SMARCA4: variants seen among roughly 807,000 people sequenced by gnomAD.
The protein encoded by SMARCA4 is SWI/SNF-related matrix-associated actin-dependent regulator of chromatin subfamily A member 4.
SMARCA4 carries 31 observed loss-of-function variants against 193.9 expected under a neutral mutation model. The ratio of observed to expected loss-of-function variants is 0.16; its 90% CI spans 0.12 to 0.22. The LOEUF (loss-of-function observed/expected upper bound fraction) is 0.22, where lower values mean the gene tolerates loss of function less well. SMARCA4 is among the 10% of genes least tolerant of loss of function. The pLI is 1.00. For missense variants in SMARCA4, 1,148 were observed against 2,296.0 expected, an observed-to-expected ratio of 0.50 and a Z score of 10.22; for synonymous variants, 942 against 933.1, an observed-to-expected ratio of 1.01 and a Z score of -0.17.
At position 11,031,051 on chromosome 19, in the gene SMARCA4, G is replaced by A; in HGVS notation, c.3546+158G>A. On this transcript the variant is annotated intron_variant, in intron 25 of 34. Coordinates refer to ENST00000344626, the MANE Select transcript of SMARCA4 (RefSeq NM_003072.5). The surrounding 1 kb of genome is among the most constrained non-coding windows in gnomAD (Gnocchi z 4.3). Reference sequence around the variant, plus strand: ...CACCCATATCTCCATAGGTCATCAGGGAGAAAAGAGGCGGGGTCCTCCTGT... The same window carrying A: ...CACCCATATCTCCATAGGTCATCAGAGAGAAAAGAGGCGGGGTCCTCCTGT... The A allele has an allele frequency of 1.4e-6, 1 of 708,142 alleles. No individual in the cohort carries two copies. Among genetic ancestry groups the A allele is most frequent in the South Asian group, 1.5e-5 (1 of 65,810 alleles). The allele number at this position is 708,142 out of a possible 1,614,324, so 43.9% of individuals were successfully genotyped here. A position where few individuals can be genotyped will look rare whatever the true frequency, so the allele number is the denominator to read the frequency against.
chr19:11,027,986 TTTG>T (rs1180334263), intron 24 of SMARCA4, 36 bp downstream of exon 24: 10 of 1,608,520 alleles, frequency 6.2e-6, no homozygotes, highest in South Asian at 1.1e-5. Flanking sequence ...CTTACAGGGT[TTTG>T]TTGTTGTGGC....
At chr19:10,970,909 G>A (rs922279488) in intron 1 of SMARCA4, among the ~76,000 whole-genome samples, 2 of 152,142 alleles carry the variant, frequency 1.3e-5, no homozygotes, top group Admixed American at 6.5e-5. Flanking sequence ...GTAGAGAAAC[G>A]GAGTGTGGGC....
Position 10,984,387 on chromosome 19 carries a change from T to C in SMARCA4, c.222+14T>C, listed in dbSNP as rs112825147. The C allele has an allele frequency of 1.5e-3, 2,384 of 1,565,702 alleles. 38 individuals are homozygous for C. The African/African-American group carries it at 0.017, about 11-fold the overall frequency. On this transcript the variant is annotated intron_variant, in intron 2 of 34. Coordinates refer to ENST00000344626, the MANE Select transcript of SMARCA4 (RefSeq NM_003072.5). The surrounding 1 kb of genome is among the most constrained non-coding windows in gnomAD (Gnocchi z 4.3). ...CAGATGCACAAGGTAGGGATCCCTG[T>C]GCCCGCCTCGCACCTGCGGCCTCTG...
Position 10,975,017 on chromosome 19 carries a change from CTT to C in SMARCA4, c.-31-9083_-31-9082del, listed in dbSNP as rs760199710. ...CCAGCCATATGCATATATAGTTATTCTTTTTTTTTTTTTTTTTTTTTTGAGAC... is the reference window on the plus strand; with the variant it reads ...CCAGCCATATGCATATATAGTTATTCTTTTTTTTTTTTTTTTTTTTGAGAC... On this transcript the variant is annotated intron_variant, in intron 1 of 34. Coordinates refer to ENST00000344626, the MANE Select transcript of SMARCA4 (RefSeq NM_003072.5). 3.0e-4 allele frequency among the ~76,000 whole-genome samples: 30 copies of C among 101,046 alleles called. 1 individual carries two copies. Among genetic ancestry groups the C allele is most frequent in the African/African-American group, 7.6e-4 (19 of 24,990 alleles). The allele number at this position is 101,046 out of a possible 152,430, so 66.3% of individuals were successfully genotyped here.
At chr19:11,008,322 TG>T in intron 14 of SMARCA4, 1 of 381,218 alleles carries the variant, frequency 2.6e-6, no homozygotes, top group Non-Finnish European at 5.1e-6. Flanking sequence ...CTACCCTCCC[TG>T]GGGAAACTTT....
chr19:10,970,682 GGTGAGCCCACT>G (rs1289590278), intron 1 of SMARCA4, among the ~76,000 whole-genome samples: 19 of 152,208 alleles, frequency 1.2e-4, no homozygotes, highest in African/African-American at 4.3e-4. Flanking sequence ...ACTGTGCTTA[GGTGAGCCCACT>G]GCATCTGGCC....
At chr19:11,029,125 CCTTGGGGGCTTCCCA>C (rs2090463690) in intron 24 of SMARCA4, among the ~76,000 whole-genome samples, 1 of 152,324 alleles carries the variant, frequency 6.6e-6, no homozygotes, top group South Asian at 2.1e-4. Flanking sequence ...TTGCCTTCTT[CCTTGGGGGCTTCCCA>C]CTTTCAGCTT....
intron 1 of SMARCA4, among the ~76,000 whole-genome samples, chr19:10,973,649 A>G (rs1237446515): frequency 6.8e-6 from 1 of 146,578 alleles, no homozygotes; most frequent in Non-Finnish European, 1.5e-5. Context: ...GGCTCACTGC[A>G]AGCTCCGCCT....
chr19:11,039,460 A>G lies in SMARCA4; in HGVS notation c.4171-1847A>G. ...GACATTAAAAAATTTTGTTGTAGAA[A>G]ATTACAGGAAAAGATATCCATGACA... is the stretch of plus-strand genomic sequence containing the variant. On this transcript the variant is annotated intron_variant, in intron 29 of 34. Coordinates refer to ENST00000344626, the MANE Select transcript of SMARCA4 (RefSeq NM_003072.5). The G allele has an allele frequency of 6.3e-7, 1 of 1,593,858 alleles. No individual in the cohort carries two copies. The highest frequency in any genetic ancestry group is 8.5e-7 in the Non-Finnish European group (1 of 1,170,886).
In SMARCA4 at chr19:11,030,715, C is replaced by T. The variant is rs745841074; in HGVS notation, c.3383-15C>T. ...AGGTCACCCCGCTGACCCTGTTCTC[C>T]TCTGTGCCCGTCAGGAACCACGAAG... On this transcript the variant is annotated splice_polypyrimidine_tract_variant and intron_variant, in intron 24 of 34. Transcript: ENST00000344626. The surrounding 1 kb of genome is among the most constrained non-coding windows in gnomAD (Gnocchi z 5.5). 5.6e-6 allele frequency: 9 copies of T among 1,609,512 alleles called. No homozygotes were observed. Among genetic ancestry groups the T allele is most frequent in the Middle Eastern group, 1.7e-4 (1 of 6,048 alleles).
In SMARCA4 at chr19:11,031,234, G is replaced by GC. The variant is rs2074910936; in HGVS notation, c.3546+344dup. 1 of 375,680 alleles carries GC rather than the reference G, an allele frequency of 2.7e-6. No individual in the cohort carries two copies. The highest frequency in any genetic ancestry group is 2.1e-5 in the African/African-American group (1 of 48,110). The allele number at this position is 375,680 out of a possible 1,614,324, so 23.3% of individuals were successfully genotyped here. ...CACTGTGGGGCGGCCCCTGCAGTGT[G>GC]CCCTGTGAGCACACACACTGGCGCT... On this transcript the variant is annotated intron_variant, in intron 25 of 34. Coordinates refer to ENST00000344626, the MANE Select transcript of SMARCA4 (RefSeq NM_003072.5). This position sits in a 1 kb window ranked among gnomAD's most constrained non-coding sequence, Gnocchi z 4.3.
intron 30 of SMARCA4, among the ~76,000 whole-genome samples, chr19:11,051,006 G>T (rs1464788200): frequency 6.6e-6 from 1 of 152,246 alleles, no homozygotes; most frequent in African/African-American, 2.4e-5. Context: ...GGCATAGGCT[G>T]GGTGCAGGGC....
intron 29 of SMARCA4, among the ~76,000 whole-genome samples, chr19:11,037,063 G>A (rs1168554330): frequency 6.6e-6 from 1 of 152,100 alleles, no homozygotes; most frequent in Non-Finnish European, 1.5e-5. Context: ...ATCCACTTTC[G>A]GGCTATTACA....
intron 8 of SMARCA4, among the ~76,000 whole-genome samples, chr19:10,993,473 C>T (rs1156423042): frequency 6.6e-6 from 1 of 152,092 alleles, no homozygotes; most frequent in Non-Finnish European, 1.5e-5. Flanking sequence ...CATTTTGGAG[C>T]TGGTCTCTGA....
intron 13 of SMARCA4, 143 bp downstream of exon 13, chr19:11,003,540 G>A: frequency 1.3e-6 from 1 of 770,310 alleles, no homozygotes; most frequent in South Asian, 1.4e-5. Context: ...CGAAGTCGGT[G>A]CTTTAGAGCT....
chr19:10,981,875 C>T (rs2085577351), intron 1 of SMARCA4, among the ~76,000 whole-genome samples: 1 of 152,066 alleles, frequency 6.6e-6, no homozygotes. Context: ...ATGGTCCCAG[C>T]TACTCGGGAG....
intron 32 of SMARCA4, chr19:11,059,109 TAAAAAAAAA>T: frequency 2.6e-6 from 1 of 387,750 alleles, no homozygotes; most frequent in Non-Finnish European, 4.6e-6. Flanking sequence ...ACCCTGTCTT[TAAAAAAAAA>T]AAAGAAAAAA....
Position 11,010,567 on chromosome 19 carries a change from C to T in SMARCA4, c.2274+36C>T, listed in dbSNP as rs753082955. On this transcript the variant is annotated intron_variant, in intron 15 of 34. Transcript: ENST00000344626. ...GGGTGGGGAGGCCACCGCCACGTAG[C>T]TGCCTCGGTGCAGGTGTTCCCAGGT... is the stretch of plus-strand genomic sequence containing the variant. 2.2e-5 allele frequency: 36 copies of T among 1,605,352 alleles called. No homozygotes were observed. The East Asian group carries it at 6.7e-4, about 30-fold the overall frequency.
In SMARCA4 at chr19:10,984,798, C is replaced by G. The variant is rs1220112523; in HGVS notation, c.222+425C>G. On this transcript the variant is annotated intron_variant, in intron 2 of 34. Coordinates refer to ENST00000344626, the MANE Select transcript of SMARCA4 (RefSeq NM_003072.5). The surrounding 1 kb of genome is among the most constrained non-coding windows in gnomAD (Gnocchi z 4.3). ...GGTTCCCTTTCCTCCAAGGCGTGCC[C>G]CTCAGCCACTGTCTTTACCTCACCT... Among the ~76,000 whole-genome samples the G allele has an allele frequency of 1.3e-5, 2 of 152,242 alleles. No homozygotes were observed.
Sources: allele counts gnomAD v4.1 joint callset (sites outside exome capture counted in the v4.1 genomes callset), GRCh38; gene constraint gnomAD v4.1.1; non-coding constraint Gnocchi (gnomAD v3.1); transcripts MANE v1.5; gene names NCBI Gene and HGNC (gene_info 2026-07-23, HGNC 2026-07-21).